UBE2W: variants seen among roughly 807,000 people sequenced by gnomAD.
The protein encoded by UBE2W is ubiquitin-conjugating enzyme E2 W.
UBE2W carries 18 observed loss-of-function variants against 27.2 expected under a neutral mutation model. That is an observed-to-expected ratio of 0.66 (90% CI 0.46 to 0.98). The LOEUF is 0.98. Among genes scored for constraint, UBE2W ranks in the 50% least tolerant of loss-of-function variants. The probability of loss-of-function intolerance (pLI) is 0.00; values close to 1 mark genes in which losing one functional copy is unlikely to be tolerated. For missense variants in UBE2W, 90 were observed against 180.2 expected (o/e 0.50, Z 2.87); for synonymous variants, 53 against 57.2 (o/e 0.93, Z 0.33).
intron 1 of UBE2W, among the ~76,000 whole-genome samples, chr8:73,859,001 TGTG>T (rs1479187080): frequency 6.6e-6 from 1 of 150,706 alleles, no homozygotes; most frequent in Non-Finnish European, 1.5e-5. Flanking sequence ...TGTGTGTGTG[TGTG>T]TGTGTGTGTG....
intron 1 of UBE2W, among the ~76,000 whole-genome samples, chr8:73,837,803 C>T (rs1453851509): frequency 6.6e-6 from 1 of 152,216 alleles, no homozygotes; most frequent in Non-Finnish European, 1.5e-5. Context: ...AAACACATGA[C>T]TTCAGCAAAT....
chr8:73,857,864 C>A (rs1811370136), intron 1 of UBE2W, among the ~76,000 whole-genome samples: 1 of 151,942 alleles, frequency 6.6e-6, no homozygotes, highest in African/African-American at 2.4e-5. Flanking sequence ...CCTTTTGCTT[C>A]AAAGTTTACA....
At position 73,786,669 on chromosome 8, in the gene UBE2W, G is replaced by C; in HGVS notation, c.*7433C>G. On this transcript the variant is annotated 3_prime_UTR_variant, in exon 6 of 6. Transcript: ENST00000602593. ...GGAAGCTTGCATTGCTACTGCTTAT[G>C]AAACAAGGTTTGTGGACAGCTGAAG... 1.0e-6 allele frequency: 1 copy of C among 985,470 alleles called. No homozygotes were observed. Among genetic ancestry groups the C allele is most frequent in the Non-Finnish European group, 1.2e-6 (1 of 829,952 alleles). The allele number at this position is 985,470 out of a possible 1,614,324, so 61.0% of individuals were successfully genotyped here.
chr8:73,814,029 G>A (rs13256089), intron 3 of UBE2W, among the ~76,000 whole-genome samples: 17,154 of 152,018 alleles, frequency 0.11, 1,046 homozygotes, highest in Middle Eastern at 0.18. Flanking sequence ...CACTGCACCC[G>A]GCCCACAGAT....
At chr8:73,803,481 T>C (rs1302463945) in intron 5 of UBE2W, among the ~76,000 whole-genome samples, 1 of 152,188 alleles carries the variant, frequency 6.6e-6, no homozygotes, top group East Asian at 1.9e-4. Flanking sequence ...AATTCTCCAT[T>C]ACCTTTATGG....
chr8:73,864,301 C>T (rs989090505), intron 1 of UBE2W, among the ~76,000 whole-genome samples: 27 of 152,050 alleles, frequency 1.8e-4, no homozygotes, highest in African/African-American at 5.6e-4. Context: ...GGCTAAGGCA[C>T]GAGAATCACT....
At chr8:73,854,086 C>A (rs1383333516) in intron 1 of UBE2W, among the ~76,000 whole-genome samples, 1 of 151,990 alleles carries the variant, frequency 6.6e-6, no homozygotes, top group Non-Finnish European at 1.5e-5. Context: ...GAGGTCAAAG[C>A]TGTAGTGAAC....
At chr8:73,842,206 C>T (rs1386091634) in intron 1 of UBE2W, among the ~76,000 whole-genome samples, 3 of 152,132 alleles carry the variant, frequency 2.0e-5, no homozygotes, top group Middle Eastern at 3.4e-3. Context: ...CAAATTATAG[C>T]ATAGCAAACT....
chr8:73,868,763 C>A (rs572109901), intron 1 of UBE2W, among the ~76,000 whole-genome samples: 11 of 150,968 alleles, frequency 7.3e-5, no homozygotes, highest in Admixed American at 1.3e-4. Context: ...GTGTTGTGGG[C>A]GAGTACATAA....
In UBE2W at chr8:73,791,046, G is replaced by T. The variant is rs1808169177; in HGVS notation, c.*3056C>A. 1 of 984,178 alleles carries T rather than the reference G, an allele frequency of 1.0e-6. No individual in the cohort carries two copies. Among genetic ancestry groups the T allele is most frequent in the African/African-American group, 1.7e-5 (1 of 57,164 alleles). 61.0% of individuals were successfully genotyped at this position (984,178 alleles called of 1,614,324 possible). ...ATTAAGATCTTTCTCCAGGTGAACT[G>T]CTGACTATATAGAAGCTATTTCCAG... On this transcript the variant is annotated 3_prime_UTR_variant, in exon 6 of 6. Coordinates refer to ENST00000602593, the MANE Select transcript of UBE2W (RefSeq NM_018299.6).
chr8:73,800,892 A>G (rs899437380), intron 5 of UBE2W, among the ~76,000 whole-genome samples: 3 of 152,192 alleles, frequency 2.0e-5, no homozygotes, highest in African/African-American at 7.2e-5. Flanking sequence ...TGGGAGTTCA[A>G]GACCAGCCTG....
chr8:73,828,474 T>C (rs907058888), intron 2 of UBE2W, among the ~76,000 whole-genome samples: 2 of 152,196 alleles, frequency 1.3e-5, no homozygotes, highest in Non-Finnish European at 2.9e-5. Flanking sequence ...TCCCAAATTA[T>C]CCCTAGAATT....
intron 1 of UBE2W, among the ~76,000 whole-genome samples, chr8:73,857,500 G>A (rs1021666000): frequency 1.3e-5 from 2 of 152,116 alleles, no homozygotes; most frequent in Non-Finnish European, 2.9e-5. Flanking sequence ...TAAAGAGCAA[G>A]TTCAATCTTC....
At chr8:73,868,695 G>C (rs1417089226) in intron 1 of UBE2W, among the ~76,000 whole-genome samples, 1 of 144,312 alleles carries the variant, frequency 6.9e-6, no homozygotes, top group African/African-American at 2.8e-5. Flanking sequence ...TTGAAAAATT[G>C]CTTGGTGTGA....
chr8:73,863,872 T>G (rs551496059), intron 1 of UBE2W, among the ~76,000 whole-genome samples: 1 of 150,580 alleles, frequency 6.6e-6, no homozygotes, highest in East Asian at 2.0e-4. Context: ...GATTTCGATG[T>G]GATATCAAAG....
chr8:73,797,402 T>C (rs1237516319), intron 5 of UBE2W, among the ~76,000 whole-genome samples: 1 of 152,214 alleles, frequency 6.6e-6, no homozygotes, highest in Non-Finnish European at 1.5e-5. Context: ...AATTAAAATT[T>C]TCCTTTAACG....
chr8:73,805,472 C>CAAAAACAAAAAAAAAAAAA (rs1554579999), intron 5 of UBE2W, among the ~76,000 whole-genome samples, 179 bp downstream of exon 5: 1 of 43,676 alleles, frequency 2.3e-5, no homozygotes, highest in Non-Finnish European at 5.0e-5. Context: ...AAAAAAAAAA[C>CAAAAACAAAAAAAAAAAAA]AAAAAAAACT....
chr8:73,872,584 A>G (rs777467535), intron 1 of UBE2W, among the ~76,000 whole-genome samples: 4 of 152,204 alleles, frequency 2.6e-5, no homozygotes, highest in Non-Finnish European at 5.9e-5. Context: ...GACTTACTCA[A>G]AATTACACAG....
At position 73,789,078 on chromosome 8, in the gene UBE2W, G is replaced by C; in HGVS notation, c.*5024C>G. The stretch of plus-strand genomic sequence containing the variant: ...CAATTAACATCTCACCAGGATCAAA[G>C]AACCCTAACTTCAACTTTCAGGATA... On this transcript the variant is annotated 3_prime_UTR_variant, in exon 6 of 6. Transcript: ENST00000602593. 1.0e-6 allele frequency: 1 copy of C among 984,970 alleles called. No individual in the cohort carries two copies. Among genetic ancestry groups the C allele is most frequent in the Non-Finnish European group, 1.2e-6 (1 of 829,830 alleles). The allele number at this position is 984,970 out of a possible 1,614,324, so 61.0% of individuals were successfully genotyped here.
Sources: gnomAD v4.1 joint callset for allele counts (sites outside exome capture counted in the v4.1 genomes callset) on GRCh38, gnomAD v4.1.1 for gene constraint, MANE v1.5 for transcripts, NCBI Gene and HGNC (gene_info 2026-07-23, HGNC 2026-07-21) for gene names.